ANK3: variants seen among roughly 807,000 people sequenced by gnomAD.
ANK3 encodes the protein ankyrin-3.
A neutral mutation model predicts 370.9 loss-of-function variants in ANK3; 57 were observed. The observed-to-expected ratio is 0.15, with a 90% CI of 0.12 to 0.19. ANK3 has a LOEUF of 0.19. ANK3 is among the 10% of genes least tolerant of loss of function. ANK3 has a pLI of 1.00. For synonymous variants in ANK3, 1,929 were observed against 1,946.3 expected, an observed-to-expected ratio of 0.99 and a Z score of 0.23; for missense variants, 4,439 against 5,302.1, an observed-to-expected ratio of 0.84 and a Z score of 5.06.
chr10:60,288,639 CT>C (rs1300266797), intron 1 of ANK3, among the ~76,000 whole-genome samples: 1 of 152,072 alleles, frequency 6.6e-6, no homozygotes, highest in Non-Finnish European at 1.5e-5. Flanking sequence ...GGGGATTCCC[CT>C]GGGACGGGGG....
chr10:60,089,709 CAT>C (rs1325071597), intron 28 of ANK3, among the ~76,000 whole-genome samples: 2 of 152,024 alleles, frequency 1.3e-5, no homozygotes, highest in Non-Finnish European at 1.5e-5. Context: ...TAAACACACA[CAT>C]ATAGAAATAT....
At chr10:60,179,464 G>A (rs928044919) in intron 18 of ANK3, among the ~76,000 whole-genome samples, 1 of 152,204 alleles carries the variant, frequency 6.6e-6, no homozygotes, top group Non-Finnish European at 1.5e-5. Context: ...GGAGGCCAAG[G>A]CAGATGGATC....
chr10:60,715,908 T>C (rs1165774207), intron 1 of ANK3, among the ~76,000 whole-genome samples: 2 of 28,572 alleles, frequency 7.0e-5, no homozygotes, highest in African/African-American at 2.9e-4. Flanking sequence ...AGACTCTTCT[T>C]CAAGAAATAT....
intron 1 of ANK3, among the ~76,000 whole-genome samples, chr10:60,333,726 T>A (rs1566655718): frequency 6.6e-6 from 1 of 152,188 alleles, no homozygotes; most frequent in Non-Finnish European, 1.5e-5. Context: ...TGCCACACTG[T>A]CTTCCACAAT....
intron 1 of ANK3, among the ~76,000 whole-genome samples, chr10:60,624,885 C>G (rs1234023927): frequency 1.3e-5 from 2 of 152,030 alleles, no homozygotes; most frequent in African/African-American, 4.8e-5. Context: ...AAGTTGAGAA[C>G]TAAGAAGGAA....
chr10:60,178,439 G>A (rs1389955326), intron 18 of ANK3, among the ~76,000 whole-genome samples: 1 of 152,120 alleles, frequency 6.6e-6, no homozygotes. Flanking sequence ...CAGCCTCATA[G>A]GGTAGTTGTA....
intron 1 of ANK3, among the ~76,000 whole-genome samples, chr10:60,350,205 T>C (rs753848683): frequency 1.3e-5 from 2 of 152,180 alleles, no homozygotes; most frequent in Non-Finnish European, 2.9e-5. Context: ...CATAGTAGAA[T>C]ACATAGTCAA....
intron 23 of ANK3, among the ~76,000 whole-genome samples, chr10:60,160,653 G>A (rs554166287): frequency 4.4e-4 from 67 of 151,944 alleles, no homozygotes; most frequent in Middle Eastern, 3.4e-3. Flanking sequence ...AAAAATCTTC[G>A]AATACTAGCA....
At chr10:60,416,189 T>C (rs764935279) in intron 2 of ANK3, among the ~76,000 whole-genome samples, 1 of 152,200 alleles carries the variant, frequency 6.6e-6, no homozygotes, top group East Asian at 1.9e-4. Context: ...TCTCAGCCTC[T>C]GACACTGTGA....
chr10:60,520,000 A>T (rs925596375), intron 2 of ANK3, among the ~76,000 whole-genome samples: 1 of 152,146 alleles, frequency 6.6e-6, no homozygotes, highest in African/African-American at 2.4e-5. Flanking sequence ...CACAAAGTCA[A>T]GTAACTCTAT....
intron 8 of ANK3, among the ~76,000 whole-genome samples, chr10:60,234,152 G>A (rs1446924626): frequency 6.6e-6 from 1 of 152,086 alleles, no homozygotes; most frequent in African/African-American, 2.4e-5. Context: ...ATGAACATTT[G>A]GGCTGCTTTT....
At chr10:60,174,179 T>C (rs2095864565) in intron 18 of ANK3, among the ~76,000 whole-genome samples, 1 of 152,128 alleles carries the variant, frequency 6.6e-6, no homozygotes, top group African/African-American at 2.4e-5. Flanking sequence ...GAAAAAGAGA[T>C]GCCCAAACCA....
At position 60,075,942 on chromosome 10, in the gene ANK3, G is replaced by T; in HGVS notation, c.4939C>A (p.Pro1647Thr). The T allele has an allele frequency of 1.2e-6, 2 of 1,614,090 alleles. No individual in the cohort carries two copies. Among genetic ancestry groups the T allele is most frequent in the Non-Finnish European group, 1.7e-6 (2 of 1,179,986 alleles). ...SSITMTPPAS[P>T]KSNINMYSSS... ...GAATACATATTAATGTTTGATTTGG[G>T]GGAGGCAGGGGGTGTCATAGTAATT... Residue 1647 changes from proline to threonine, a missense_variant, in exon 37 of 44, where the codon CCC becomes ACC. Around this residue, in one of 13 missense-constraint regions of ANK3, gnomAD observed 679 missense variants for 791.0 expected, o/e 0.86. Coordinates refer to ENST00000280772, the MANE Select transcript of ANK3 (RefSeq NM_020987.5).
At chr10:60,166,690 AATAC>A (rs1181116824) in intron 22 of ANK3, 37 bp from the exon 23 acceptor site, 1 of 1,602,954 alleles carries the variant, frequency 6.2e-7, no homozygotes, top group South Asian at 1.1e-5. Flanking sequence ...GTGGATGAAA[AATAC>A]ATACTCTTGA....
chr10:60,147,009 CGTTA>C (rs2094859797), intron 23 of ANK3, among the ~76,000 whole-genome samples: 1 of 152,244 alleles, frequency 6.6e-6, no homozygotes, highest in South Asian at 2.1e-4. Context: ...TTGATGGGAA[CGTTA>C]GTTAGATGCC....
intron 1 of ANK3, among the ~76,000 whole-genome samples, chr10:60,662,045 T>C (rs2078941901): frequency 6.6e-6 from 1 of 152,174 alleles, no homozygotes; most frequent in African/African-American, 2.4e-5. Flanking sequence ...TGATGAGATT[T>C]TTAAATTAGA....
At chr10:60,453,964 C>T (rs568409241) in intron 2 of ANK3, among the ~76,000 whole-genome samples, 1 of 152,236 alleles carries the variant, frequency 6.6e-6, no homozygotes, top group South Asian at 2.1e-4. Context: ...TGAAATATGA[C>T]TGGTTTATAG....
chr10:60,051,664 C>CTTTTTT (rs35764181), intron 42 of ANK3: 2 of 151,744 alleles, frequency 1.3e-5, no homozygotes, highest in African/African-American at 3.3e-5. Context: ...ATGTTTTCTT[C>CTTTTTT]TTTTTTTTTT....
intron 2 of ANK3, among the ~76,000 whole-genome samples, chr10:60,545,466 A>T (rs1008635944): frequency 6.6e-6 from 1 of 151,948 alleles, no homozygotes; most frequent in African/African-American, 2.4e-5. Flanking sequence ...TTCTACAAAT[A>T]CTTCATAGAG....
Sources: allele counts gnomAD v4.1 joint callset (sites outside exome capture counted in the v4.1 genomes callset), GRCh38; gene constraint gnomAD v4.1.1; regional missense constraint gnomAD v4.1.1; transcripts MANE v1.5; gene names NCBI Gene and HGNC (gene_info 2026-07-23, HGNC 2026-07-21).